POLQ: variants seen among roughly 807,000 people sequenced by gnomAD.
POLQ encodes DNA polymerase theta, also known as epididymis secretory sperm binding protein.
Under a neutral mutation model 259.2 loss-of-function variants are expected in POLQ, and 233 were observed. The observed-to-expected ratio is 0.90, with a 90% CI of 0.81 to 1.00. The LOEUF (loss-of-function observed/expected upper bound fraction) is 1.00, where lower values mean the gene tolerates loss of function less well. POLQ is among the 50% of genes least tolerant of loss of function. The probability of loss-of-function intolerance (pLI) is 0.00; values close to 1 mark genes in which losing one functional copy is unlikely to be tolerated. For synonymous variants in POLQ, 1,025 were observed against 1,048.8 expected (o/e 0.98, Z 0.44); for missense variants, 2,871 against 3,051.6 (o/e 0.94, Z 1.39).
intron 2 of POLQ, among the ~76,000 whole-genome samples, chr3:121,543,955 T>C (rs1313334966): frequency 6.8e-6 from 1 of 147,354 alleles, no homozygotes; most frequent in Non-Finnish European, 1.5e-5. Flanking sequence ...TGCACTCCAG[T>C]CTGGGCGACA....
intron 7 of POLQ, among the ~76,000 whole-genome samples, chr3:121,525,932 T>C (rs998746147): frequency 6.6e-6 from 1 of 152,190 alleles, no homozygotes; most frequent in African/African-American, 2.4e-5. Context: ...CATGATTTCG[T>C]TCATACCTCC....
At chr3:121,451,791 G>A (rs1471702697) in intron 25 of POLQ, among the ~76,000 whole-genome samples, 1 of 152,214 alleles carries the variant, frequency 6.6e-6, no homozygotes, top group African/African-American at 2.4e-5. Context: ...TCCGTGCGGG[G>A]AGAACCACTA....
intron 9 of POLQ, among the ~76,000 whole-genome samples, chr3:121,519,371 T>C (rs1425403363): frequency 1.4e-5 from 2 of 147,116 alleles, no homozygotes; most frequent in Non-Finnish European, 3.0e-5. Context: ...TATATATATA[T>C]ATATATATAT....
intron 27 of POLQ, among the ~76,000 whole-genome samples, chr3:121,436,741 TGC>T (rs1286819860): frequency 6.6e-6 from 1 of 151,980 alleles, no homozygotes; most frequent in Non-Finnish European, 1.5e-5. Flanking sequence ...GTGTGAGCCC[TGC>T]AGGTATGGAG....
intron 6 of POLQ, among the ~76,000 whole-genome samples, chr3:121,530,653 G>A (rs571218710): frequency 7.9e-5 from 12 of 152,254 alleles, no homozygotes; most frequent in Non-Finnish European, 1.6e-4. Flanking sequence ...CATTTCAAAT[G>A]AACAAAAGGG....
Position 121,540,919 on chromosome 3 carries a change from T to A in POLQ, c.474+430A>T, listed in dbSNP as rs1371156009. ...TAATTTTTTTTTTTTTGAGACAGAG[T>A]CTTACTCTGTTGCCCAGGCTGGAGT... On this transcript the variant is annotated intron_variant, in intron 3 of 29. Transcript: ENST00000264233. Among the ~76,000 whole-genome samples, 8 of 149,492 alleles carry A rather than the reference T, an allele frequency of 5.4e-5. No individual in the cohort carries two copies. In the South Asian group the frequency reaches 8.4e-4, roughly 16 times the overall value.
intron 9 of POLQ, among the ~76,000 whole-genome samples, chr3:121,513,677 C>G (rs1402031233): frequency 1.3e-5 from 2 of 151,090 alleles, no homozygotes; most frequent in Non-Finnish European, 2.9e-5. Context: ...TTACTACCCC[C>G]CTCCCCAGAA....
At chr3:121,514,339 AAAC>A (rs763299376) in intron 9 of POLQ, among the ~76,000 whole-genome samples, 1,711 of 149,824 alleles carry the variant, frequency 0.011, 12 homozygotes, top group Non-Finnish European at 0.019. Context: ...TTAAAAAAAA[AAAC>A]AACAACAACA....
intron 14 of POLQ, 91 bp from the exon 15 acceptor site, chr3:121,493,812 T>C (rs1261314375): frequency 1.7e-5 from 21 of 1,244,008 alleles, no homozygotes; most frequent in Non-Finnish European, 2.2e-5. Flanking sequence ...TCTTTTGTTT[T>C]TTCCCTGCAA....
intron 12 of POLQ, 42 bp downstream of exon 12, chr3:121,509,519 T>G (rs2048235513): frequency 6.5e-7 from 1 of 1,531,666 alleles, no homozygotes; most frequent in African/African-American, 1.4e-5. Context: ...TCTATTTTTT[T>G]CTCCCTATTT....
chr3:121,465,552 G>A (rs934797936), intron 24 of POLQ, among the ~76,000 whole-genome samples: 20 of 151,974 alleles, frequency 1.3e-4, no homozygotes, highest in African/African-American at 4.8e-4. Context: ...AAGGTTTTTG[G>A]CAACTCTGAG....
chr3:121,451,039 G>A (rs1158129133), intron 25 of POLQ, among the ~76,000 whole-genome samples: 1 of 151,612 alleles, frequency 6.6e-6, no homozygotes, highest in Non-Finnish European at 1.5e-5. Flanking sequence ...TCATTTATTT[G>A]ATCATCAATC....
chr3:121,490,003 C>T lies in POLQ; in HGVS notation c.2928G>A (p.Gly976=). Residue 976 remains glycine, a synonymous_variant, in exon 16 of 30, where the codon GGG becomes GGA. Transcript: ENST00000264233. ...TGGAACATGTCTGATGTTCTTGATTCCCATTCTGGAAATTACAATTAAAGG... is the reference window on the plus strand; with the variant it reads ...TGGAACATGTCTGATGTTCTTGATTTCCATTCTGGAAATTACAATTAAAGG... ...TSSFNCNFQN[G]NQEHQTCSIF... 3 of 1,579,894 alleles carry T rather than the reference C, an allele frequency of 1.9e-6. No homozygotes were observed. Among genetic ancestry groups the T allele is most frequent in the Middle Eastern group, 1.7e-4 (1 of 5,870 alleles).
chr3:121,458,752 AAGAAGTACAGCTGTG>A (rs1167138511), intron 25 of POLQ, among the ~76,000 whole-genome samples: 1 of 152,156 alleles, frequency 6.6e-6, no homozygotes, highest in Non-Finnish European at 1.5e-5. Flanking sequence ...TGAGCCAGTC[AAGAAGTACAGCTGTG>A]AGGCTGGGTG....
In POLQ at chr3:121,472,066, A is replaced by C; in HGVS notation, c.6642T>G (p.Leu2214=). 6.3e-7 allele frequency: 1 copy of C among 1,587,852 alleles called. No homozygotes were observed. The highest frequency in any genetic ancestry group is 8.6e-7 in the Non-Finnish European group (1 of 1,159,990). Residue 2214 remains leucine (L), a synonymous_variant, in exon 22 of 30, where the codon CTT becomes CTG. Transcript: ENST00000264233. The part of the protein sequence containing the change: ...TNAITKVVFP[L]QREKCLNPFL... ...AAGGATTAAGACACTTTTCCCGCTG[A>C]AGGGGAAAGACCACTTTGGTAATAG...
chr3:121,455,430 T>C (rs1284822145), intron 25 of POLQ, among the ~76,000 whole-genome samples: 2 of 148,582 alleles, frequency 1.3e-5, no homozygotes, highest in South Asian at 2.2e-4. Context: ...TTCAAAAAAT[T>C]AATGAATCCA....
At chr3:121,477,942 T>C (rs923966367) in intron 19 of POLQ, among the ~76,000 whole-genome samples, 6 of 152,158 alleles carry the variant, frequency 3.9e-5, no homozygotes, top group Admixed American at 3.9e-4. Context: ...TTTAGAAGCC[T>C]GGAACTAGTG....
intron 26 of POLQ, among the ~76,000 whole-genome samples, chr3:121,444,390 A>G (rs1406312230): frequency 6.6e-6 from 1 of 151,838 alleles, no homozygotes; most frequent in Non-Finnish European, 1.5e-5. Flanking sequence ...TCTTTTTCAG[A>G]TTGTTTGCTC....
At chr3:121,456,935 A>C (rs2047743964) in intron 25 of POLQ, among the ~76,000 whole-genome samples, 1 of 152,066 alleles carries the variant, frequency 6.6e-6, no homozygotes, top group Non-Finnish European at 1.5e-5. Flanking sequence ...AGTCAATCCT[A>C]AGCAAAAAGA....
Sources: allele counts gnomAD v4.1 joint callset (sites outside exome capture counted in the v4.1 genomes callset), GRCh38; gene constraint gnomAD v4.1.1; transcripts MANE v1.5; gene names NCBI Gene and HGNC (gene_info 2026-07-23, HGNC 2026-07-21).